Variants in L3MBTL4 observed in about 807,000 individuals in gnomAD.
L3MBTL4 encodes L3MBTL histone methyl-lysine binding protein 4.
In L3MBTL4, 70 loss-of-function variants were observed where a neutral mutation model predicts 84.5. The ratio of observed to expected loss-of-function variants is 0.83; its 90% CI spans 0.68 to 1.01. The LOEUF (loss-of-function observed/expected upper bound fraction) is 1.01, where lower values mean the gene tolerates loss of function less well. L3MBTL4 is among the 50% of genes least tolerant of loss of function. The probability of loss-of-function intolerance (pLI) is 0.00; values close to 1 mark genes in which losing one functional copy is unlikely to be tolerated. For synonymous variants in L3MBTL4, 274 were observed against 259.8 expected, an observed-to-expected ratio of 1.05 and a Z score of -0.52; for missense variants, 715 against 754.8, an observed-to-expected ratio of 0.95 and a Z score of 0.62.
At chr18:5,978,645 T>A (rs537012211) in intron 16 of L3MBTL4, among the ~76,000 whole-genome samples, 48 of 152,300 alleles carry the variant, frequency 3.2e-4, no homozygotes, top group African/African-American at 9.9e-4. Flanking sequence ...CCTGCTGGGT[T>A]GGGCATGCAC....
intron 10 of L3MBTL4, among the ~76,000 whole-genome samples, chr18:6,217,810 A>C (rs2046387542): frequency 6.6e-6 from 1 of 152,166 alleles, no homozygotes; most frequent in Admixed American, 6.5e-5. Flanking sequence ...AATTATTTTT[A>C]CTAAAAATTA....
intron 16 of L3MBTL4, among the ~76,000 whole-genome samples, chr18:6,016,825 G>C (rs1484368887): frequency 2.6e-5 from 4 of 152,236 alleles, no homozygotes; most frequent in Non-Finnish European, 5.9e-5. Flanking sequence ...ACGGAGACCT[G>C]AAGGGTGAAG....
intron 1 of L3MBTL4, chr18:6,326,644 G>A (rs1693276428): frequency 1.3e-5 from 2 of 152,266 alleles, no homozygotes; most frequent in South Asian, 4.1e-4. Flanking sequence ...ATGATGAGTA[G>A]AGGAGGAAAG....
Position 6,058,307 on chromosome 18 carries a change from C to T in L3MBTL4, c.1444+22574G>A, listed in dbSNP as rs74676776. 6.9e-4 allele frequency among the ~76,000 whole-genome samples: 105 copies of T among 152,250 alleles called. 2 individuals carry two copies. The East Asian group carries it at 0.016, about 23-fold the overall frequency. On this transcript the variant is annotated intron_variant, in intron 16 of 18. Transcript: ENST00000317931. ...CACGGCCTCATTCTCTACATTGCTC[C>T]AGTACCCTGAACCTTCTACCTAACA...
In L3MBTL4 at chr18:6,372,564, C is replaced by T. The variant is rs41523950; in HGVS notation, c.-91+42237G>A. On this transcript the variant is annotated intron_variant, in intron 1 of 18. Transcript: ENST00000317931. ...TTCCTCTTTTCAATATCCATTCTTC[C>T]GCAAGGCCTCTTAAACTATGAGTGG... Among the ~76,000 whole-genome samples, 1,325 of 152,200 alleles carry T rather than the reference C, an allele frequency of 8.7e-3. 20 individuals are homozygous for T. The highest frequency in any genetic ancestry group is 0.03 in the African/African-American group (1,235 of 41,530).
chr18:6,287,814 G>A (rs1471150029), intron 4 of L3MBTL4, among the ~76,000 whole-genome samples: 3 of 152,176 alleles, frequency 2.0e-5, no homozygotes, highest in Non-Finnish European at 4.4e-5. Flanking sequence ...TTGGTTCACA[G>A]CCTTTATAAG....
intron 4 of L3MBTL4, among the ~76,000 whole-genome samples, chr18:6,280,328 G>A (rs1033131535): frequency 3.3e-5 from 5 of 152,190 alleles, no homozygotes; most frequent in Admixed American, 6.5e-5. Flanking sequence ...GTTCACAGGG[G>A]CATTTTCCCC....
At chr18:5,982,715 A>T (rs942344757) in intron 16 of L3MBTL4, among the ~76,000 whole-genome samples, 1 of 152,200 alleles carries the variant, frequency 6.6e-6, no homozygotes, top group Non-Finnish European at 1.5e-5. Flanking sequence ...TGCTATTTTA[A>T]AAAAGTCCAG....
Position 6,301,894 on chromosome 18 carries a change from G to A in L3MBTL4, c.127+9C>T, listed in dbSNP as rs766604009. On this transcript the variant is annotated intron_variant, in intron 4 of 18. Coordinates refer to ENST00000317931, the MANE Select transcript of L3MBTL4 (RefSeq NM_001330559.2). The stretch of plus-strand genomic sequence containing the variant: ...GTGAACTACCACTGTAAATATTGGT[G>A]ATAATTACCGTGACTCAAAGGGGTT... 1 of 1,603,166 alleles carries A rather than the reference G, an allele frequency of 6.2e-7. No homozygotes were observed. Among genetic ancestry groups the A allele is most frequent in the South Asian group, 1.1e-5 (1 of 90,886 alleles).
Position 5,990,983 on chromosome 18 carries a change from T to C in L3MBTL4, c.1445-21421A>G, listed in dbSNP as rs1226750568. On this transcript the variant is annotated intron_variant, in intron 16 of 18. Coordinates refer to ENST00000317931, the MANE Select transcript of L3MBTL4 (RefSeq NM_001330559.2). ...CTGTCTCCCCATCTCTCTGATCTCG[T>C]CTCTTGCCCAGTCCACCTTGTTTCC... 2.0e-5 allele frequency among the ~76,000 whole-genome samples: 3 copies of C among 152,154 alleles called. No homozygotes were observed. In the East Asian group the frequency reaches 5.8e-4, roughly 29 times the overall value.
intron 1 of L3MBTL4, among the ~76,000 whole-genome samples, chr18:6,368,106 A>G (rs903089771): frequency 1.3e-5 from 2 of 151,996 alleles, no homozygotes; most frequent in African/African-American, 4.8e-5. Flanking sequence ...ACACAAATGC[A>G]TAAAGACCTC....
intron 10 of L3MBTL4, among the ~76,000 whole-genome samples, chr18:6,228,747 T>A (rs151318265): frequency 1.3e-5 from 2 of 152,050 alleles, no homozygotes; most frequent in African/African-American, 4.8e-5. Flanking sequence ...AAATGTCCCA[T>A]CATGGAGATG....
chr18:6,156,044 C>CA (rs2043090118), intron 13 of L3MBTL4, among the ~76,000 whole-genome samples: 1 of 152,122 alleles, frequency 6.6e-6, no homozygotes, highest in Non-Finnish European at 1.5e-5. Flanking sequence ...TAAAGCAACA[C>CA]AGATAGCTGC....
At chr18:6,133,159 G>GAGGGCTGTCTGAC (rs2059925130) in intron 14 of L3MBTL4, among the ~76,000 whole-genome samples, 1 of 152,176 alleles carries the variant, frequency 6.6e-6, no homozygotes, top group Non-Finnish European at 1.5e-5. Context: ...CAGGCTCTCT[G>GAGGGCTGTCTGAC]AGGGCTGTCT....
At position 6,030,289 on chromosome 18, in the gene L3MBTL4, G is replaced by A. The variant is rs1364586148; in HGVS notation, c.1444+50592C>T. ...ATACCTGTTGAATTTTGCACCAAATGCACAAATCAATAATATGCTTTTAAG... is the reference window on the plus strand; with the variant it reads ...ATACCTGTTGAATTTTGCACCAAATACACAAATCAATAATATGCTTTTAAG... On this transcript the variant is annotated intron_variant, in intron 16 of 18. Transcript: ENST00000317931. 6.1e-6 allele frequency: 6 copies of A among 985,178 alleles called. No individual in the cohort carries two copies. In the African/African-American group the frequency reaches 7.0e-5, roughly 11 times the overall value. 61.0% of individuals were successfully genotyped at this position (985,178 alleles called of 1,614,324 possible). A position where few individuals can be genotyped will look rare whatever the true frequency, so the allele number is the denominator to read the frequency against.
chr18:6,111,916 T>A (rs182809026), intron 14 of L3MBTL4, among the ~76,000 whole-genome samples: 1 of 152,288 alleles, frequency 6.6e-6, no homozygotes, highest in Non-Finnish European at 1.5e-5. Context: ...AGAGTCGACA[T>A]GTTGTGCAAT....
At chr18:6,253,004 C>A (rs1229901911) in intron 5 of L3MBTL4, among the ~76,000 whole-genome samples, 1 of 152,158 alleles carries the variant, frequency 6.6e-6, no homozygotes, top group Non-Finnish European at 1.5e-5. Flanking sequence ...GAGATCAAGA[C>A]CATCCTGGCC....
At chr18:6,142,447 A>T (rs980940512) in intron 13 of L3MBTL4, among the ~76,000 whole-genome samples, 10 of 152,272 alleles carry the variant, frequency 6.6e-5, no homozygotes, top group Admixed American at 5.2e-4. Context: ...TAAGCCTCAA[A>T]TATATTTTCA....
At chr18:6,231,703 G>A (rs1419207157) in intron 10 of L3MBTL4, among the ~76,000 whole-genome samples, 2 of 151,992 alleles carry the variant, frequency 1.3e-5, no homozygotes. Context: ...CTTTCTGATT[G>A]TTTATTGTTA....
Sources: gnomAD v4.1 joint callset for allele counts (sites outside exome capture counted in the v4.1 genomes callset) on GRCh38, gnomAD v4.1.1 for gene constraint, MANE v1.5 for transcripts, NCBI Gene and HGNC (gene_info 2026-07-23, HGNC 2026-07-21) for gene names.